PHF11: variants seen among roughly 807,000 people sequenced by gnomAD.
The protein encoded by PHF11 is BRCA1 C-terminus-associated protein.
A neutral mutation model predicts 40.5 loss-of-function variants in PHF11; 38 were observed. That is an observed-to-expected ratio of 0.94 (90% confidence interval 0.72 to 1.23). The LOEUF is 1.23. PHF11 is among the 50% of genes most tolerant of loss of function. The probability of loss-of-function intolerance (pLI) is 0.00; values close to 1 mark genes in which losing one functional copy is unlikely to be tolerated. For missense variants in PHF11, 369 were observed against 392.4 expected, an observed-to-expected ratio of 0.94 and a Z score of 0.50; for synonymous variants, 127 against 138.2, an observed-to-expected ratio of 0.92 and a Z score of 0.57.
intron 1 of PHF11, among the ~76,000 whole-genome samples, chr13:49,504,773 G>C (rs912365892): frequency 3.3e-5 from 5 of 151,786 alleles, no homozygotes; most frequent in Non-Finnish European, 7.4e-5. Flanking sequence ...GGAATAGAAA[G>C]GGGGGAAAGG....
intron 3 of PHF11, among the ~76,000 whole-genome samples, chr13:49,516,466 T>C (rs1251096883): frequency 1.3e-5 from 2 of 150,498 alleles, no homozygotes; most frequent in Non-Finnish European, 2.9e-5. Flanking sequence ...TTCTGCAGGT[T>C]ATCAGAATCT....
At chr13:49,510,170 A>G (rs756618513) in intron 2 of PHF11, among the ~76,000 whole-genome samples, 57 of 151,912 alleles carry the variant, frequency 3.8e-4, no homozygotes, top group Non-Finnish European at 7.4e-4. Context: ...GACTATAGGC[A>G]TGTGCCACTG....
At chr13:49,509,861 G>A (rs534338986) in intron 2 of PHF11, among the ~76,000 whole-genome samples, 131 of 152,146 alleles carry the variant, frequency 8.6e-4, no homozygotes, top group Non-Finnish European at 1.5e-3. Flanking sequence ...CCAGTCTTGC[G>A]TATGTCTTTA....
intron 4 of PHF11, 115 bp downstream of exon 4, chr13:49,518,266 C>G (rs1959171176): frequency 1.6e-6 from 1 of 644,190 alleles, no homozygotes; most frequent in African/African-American, 1.9e-5. Flanking sequence ...CAAATGAGAA[C>G]AAAGCCAGTT....
At chr13:49,518,202 A>G in intron 4 of PHF11, 51 bp downstream of exon 4, 1 of 1,334,714 alleles carries the variant, frequency 7.5e-7, no homozygotes, top group Middle Eastern at 1.8e-4. Context: ...GGGATAAGGA[A>G]TGGTTGGATT....
Position 49,495,981 on chromosome 13 carries a change from A to G in PHF11, c.-21A>G. The G allele has an allele frequency of 6.8e-7, 1 of 1,478,788 alleles. No homozygotes were observed. Among genetic ancestry groups the G allele is most frequent in the African/African-American group, 1.5e-5 (1 of 68,938 alleles). The allele number at this position is 1,478,788 out of a possible 1,614,324, so 91.6% of individuals were successfully genotyped here. On this transcript the variant is annotated 5_prime_UTR_variant, in exon 1 of 10. Transcript: ENST00000378319. Reference sequence around the variant, plus strand: ...TCCGGGATCTCGCTATCCGGCCGCCACCCGCAGCTGCAGCACAGTCATGGC... The same window carrying G: ...TCCGGGATCTCGCTATCCGGCCGCCGCCCGCAGCTGCAGCACAGTCATGGC...
Position 49,496,023 on chromosome 13 carries a change from C to T in PHF11, c.22C>T (p.Arg8Trp), listed in dbSNP as rs1165837240. The change falls in exon 1 of 10, where the codon CGG (arginine) becomes TGG (tryptophan). Residue 8 changes from arginine to tryptophan, a missense_variant. Physicochemically the swap from Arg to Trp is moderately radical, Grantham distance 101. Transcript: ENST00000378319. ...AGTCATGGCCCAGGCGTCGCCGCCC[C>T]GGCCCGAGAGGGTGCTCGGCGCCAG... is the stretch of plus-strand genomic sequence containing the variant. MAQASPPRPERVLGASSP... is the reference protein window; with the variant it reads MAQASPPWPERVLGASSP... 8 of 1,473,086 alleles carry T rather than the reference C, an allele frequency of 5.4e-6. No homozygotes were observed. Among genetic ancestry groups the T allele is most frequent in the South Asian group, 1.3e-5 (1 of 78,808 alleles). 91.3% of individuals were successfully genotyped at this position (1,473,086 alleles called of 1,614,324 possible).
At chr13:49,503,099 C>T (rs1004021269) in intron 1 of PHF11, among the ~76,000 whole-genome samples, 6 of 152,168 alleles carry the variant, frequency 3.9e-5, no homozygotes, top group Non-Finnish European at 5.9e-5. Context: ...CCTTTCAACA[C>T]GTTTCTCAAA....
chr13:49,506,887 G>A (rs1959002327), intron 2 of PHF11, 131 bp downstream of exon 2: 1 of 483,754 alleles, frequency 2.1e-6, no homozygotes. Flanking sequence ...GGTGAAGATT[G>A]GGGAGCATTT....
intron 8 of PHF11, chr13:49,525,867 T>C (rs1281738387): frequency 2.3e-6 from 1 of 442,406 alleles, no homozygotes; most frequent in Non-Finnish European, 4.5e-6. Flanking sequence ...TCTGATTCAG[T>C]ACAAATACCA....
chr13:49,508,310 AT>A (rs996440230), intron 2 of PHF11, among the ~76,000 whole-genome samples: 2 of 146,788 alleles, frequency 1.4e-5, no homozygotes, highest in Non-Finnish European at 3.0e-5. Flanking sequence ...AATAATATGC[AT>A]TTTATATAAT....
At chr13:49,517,874 G>A (rs940795682) in intron 3 of PHF11, 144 bp from the exon 4 acceptor site, 3 of 576,896 alleles carry the variant, frequency 5.2e-6, no homozygotes, top group African/African-American at 3.8e-5. Context: ...GTACCCTAAT[G>A]TTTGTAACGG....
chr13:49,517,538 TC>T (rs1878752142), intron 3 of PHF11, among the ~76,000 whole-genome samples: 1 of 152,222 alleles, frequency 6.6e-6, no homozygotes, highest in Non-Finnish European at 1.5e-5. Flanking sequence ...TCTCACATTA[TC>T]CTCAATGGCA....
intron 9 of PHF11, among the ~76,000 whole-genome samples, chr13:49,526,932 C>CT (rs1959321440): frequency 1.3e-5 from 2 of 152,074 alleles, no homozygotes; most frequent in African/African-American, 4.8e-5. Context: ...GATAAACCAT[C>CT]CCTCCGCTTG....
intron 2 of PHF11, among the ~76,000 whole-genome samples, chr13:49,507,184 T>A (rs1404346258): frequency 6.6e-6 from 1 of 151,958 alleles, no homozygotes; most frequent in Non-Finnish European, 1.5e-5. Flanking sequence ...GGATTACAGG[T>A]GTGAGCCACC....
At chr13:49,496,196 C>T in intron 1 of PHF11, 101 bp downstream of exon 1, 1 of 740,050 alleles carries the variant, frequency 1.4e-6, no homozygotes, top group East Asian at 3.6e-5. Context: ...GGGGCCCGAC[C>T]TGCCCCTACT....
At chr13:49,501,009 T>G (rs1385831425) in intron 1 of PHF11, among the ~76,000 whole-genome samples, 14 of 121,900 alleles carry the variant, frequency 1.1e-4, no homozygotes, top group South Asian at 2.9e-4. Flanking sequence ...TGTTTTTTTT[T>G]TTTTTTGGTT....
In PHF11 at chr13:49,508,407, T is replaced by A. The variant is rs1032178418; in HGVS notation, c.216+1651T>A. Among the ~76,000 whole-genome samples the A allele has an allele frequency of 3.9e-4, 57 of 147,676 alleles. No individual in the cohort carries two copies. The Middle Eastern group carries it at 0.014, about 37-fold the overall frequency. On this transcript the variant is annotated intron_variant, in intron 2 of 9. Coordinates refer to ENST00000378319, the MANE Select transcript of PHF11 (RefSeq NM_001040443.3). Reference sequence around the variant, plus strand: ...ATATATTATAATATATGAATGTGTCTTTTTTTTCCCATCCATTAACAGAGT... The same window carrying A: ...ATATATTATAATATATGAATGTGTCATTTTTTTCCCATCCATTAACAGAGT...
intron 1 of PHF11, chr13:49,496,422 A>G: frequency 3.7e-6 from 4 of 1,076,664 alleles, no homozygotes; most frequent in Non-Finnish European, 4.5e-6. Flanking sequence ...ACCGATGTCA[A>G]CTCTCCTAGC....
Sources: gnomAD v4.1 joint callset for allele counts (sites outside exome capture counted in the v4.1 genomes callset) on GRCh38, gnomAD v4.1.1 for gene constraint, MANE v1.5 for transcripts, NCBI Gene and HGNC (gene_info 2026-07-23, HGNC 2026-07-21) for gene names.